ZNF487: variants seen among roughly 807,000 people sequenced by gnomAD.
The protein encoded by ZNF487 is zinc finger protein 487, also known as KRAB domain only 1.
A neutral mutation model predicts 3.0 loss-of-function variants in ZNF487; 4 were observed. The observed-to-expected ratio is 1.35, with a 90% confidence interval of 0.66 to 3.08. The LOEUF is 3.08. Ranked by LOEUF, ZNF487 falls within the 30% of genes most tolerant of loss-of-function variation. The probability of loss-of-function intolerance (pLI) is 0.01; values close to 1 mark genes in which losing one functional copy is unlikely to be tolerated. For synonymous variants in ZNF487, 55 were observed against 34.6 expected (o/e 1.59, Z -2.06); for missense variants, 146 against 98.7 (o/e 1.48, Z -2.03).
intron 1 of ZNF487, among the ~76,000 whole-genome samples, chr10:43,447,214 AGACGGAGAC>A (rs1839844060): frequency 6.6e-6 from 1 of 151,572 alleles, no homozygotes; most frequent in Admixed American, 6.6e-5. Flanking sequence ...GGAAAGCGGG[AGACGGAGAC>A]GACGGAGAGG....
intron 3 of ZNF487, among the ~76,000 whole-genome samples, chr10:43,479,094 T>G (rs1435766746): frequency 8.3e-6 from 1 of 120,398 alleles, no homozygotes; most frequent in African/African-American, 2.8e-5. Context: ...TGTATATATA[T>G]ATACACACAT....
chr10:43,455,799 C>A (rs1317098130), intron 1 of ZNF487, among the ~76,000 whole-genome samples: 1 of 152,246 alleles, frequency 6.6e-6, no homozygotes, highest in Non-Finnish European at 1.5e-5. Flanking sequence ...GCGCGCCAGG[C>A]TGGCAGCCGG....
At chr10:43,499,126 AT>A in the ZNF487 span, among the ~76,000 whole-genome samples, 1 of 152,190 alleles carries the variant, frequency 6.6e-6, no homozygotes, top group African/African-American at 2.4e-5. Flanking sequence ...GCATGGTAAA[AT>A]TTAATGAACA....
At chr10:43,490,676 A>ATT in the ZNF487 span, among the ~76,000 whole-genome samples, 4 of 112,120 alleles carry the variant, frequency 3.6e-5, no homozygotes, top group Non-Finnish European at 5.7e-5. Flanking sequence ...CGCCTGGCTA[A>ATT]TTTTTTTTTT....
At chr10:43,499,063 G>A in the ZNF487 span, among the ~76,000 whole-genome samples, 1 of 152,196 alleles carries the variant, frequency 6.6e-6, no homozygotes, top group African/African-American at 2.4e-5. Context: ...TCAGTTAGCA[G>A]TTAGACTTCT....
the ZNF487 span, among the ~76,000 whole-genome samples, chr10:43,490,952 G>A: frequency 3.4e-5 from 5 of 148,738 alleles, no homozygotes; most frequent in Non-Finnish European, 7.4e-5. Context: ...GGGATTACAG[G>A]CATGAGCCAC....
At chr10:43,469,438 C>G (rs1253915075) in intron 1 of ZNF487, among the ~76,000 whole-genome samples, 2 of 152,124 alleles carry the variant, frequency 1.3e-5, no homozygotes, top group Non-Finnish European at 2.9e-5. Flanking sequence ...GGTGATCCAC[C>G]AGCCTTGGCC....
intron 1 of ZNF487, chr10:43,453,322 G>A (rs1007912791): frequency 6.6e-6 from 1 of 152,182 alleles, no homozygotes. Flanking sequence ...AAGGGACAGA[G>A]GACAGATTCA....
intron 1 of ZNF487, among the ~76,000 whole-genome samples, chr10:43,450,160 C>G (rs531494106): frequency 1.3e-5 from 2 of 152,174 alleles, no homozygotes; most frequent in Non-Finnish European, 2.9e-5. Flanking sequence ...TCTCCTGCAT[C>G]AGCCTCCCGA....
the ZNF487 span, among the ~76,000 whole-genome samples, chr10:43,504,689 T>G: frequency 6.6e-6 from 1 of 151,350 alleles, no homozygotes; most frequent in African/African-American, 2.4e-5. Context: ...ACATCTTAAT[T>G]TATACCACTC....
At chr10:43,452,246 A>G (rs904244886) in intron 1 of ZNF487, 1 of 152,048 alleles carries the variant, frequency 6.6e-6, no homozygotes, top group Admixed American at 6.6e-5. Context: ...CCACACCTGG[A>G]TGGCTGATTC....
chr10:43,467,297 C>T (rs182083217), intron 1 of ZNF487, among the ~76,000 whole-genome samples: 30 of 152,024 alleles, frequency 2.0e-4, no homozygotes, highest in African/African-American at 5.8e-4. Flanking sequence ...CTCTGCCTCG[C>T]GGGTTCAAGT....
At chr10:43,438,506 C>T (rs1305602152) in intron 1 of ZNF487, among the ~76,000 whole-genome samples, 3 of 151,560 alleles carry the variant, frequency 2.0e-5, no homozygotes, top group East Asian at 3.9e-4. Flanking sequence ...AAGAAATATA[C>T]CCTTGTGTAT....
Position 43,448,769 on chromosome 10 carries a change from A to T in ZNF487, c.-94+11507A>T, listed in dbSNP as rs140367994. Among the ~76,000 whole-genome samples the T allele has an allele frequency of 2.5e-3, 382 of 152,188 alleles. 3 individuals carry two copies. The highest frequency in any genetic ancestry group is 8.7e-3 in the African/African-American group (360 of 41,532). On this transcript the variant is annotated intron_variant, in intron 1 of 3. Coordinates refer to ENST00000437590, the MANE Select transcript of ZNF487 (RefSeq NM_001355444.3). Reference sequence around the variant, plus strand: ...GAGATGGAGGTTGCAGTGAGCCAAGATCTTGCCACTGTACTCCAGCCTAGG... The same window carrying T: ...GAGATGGAGGTTGCAGTGAGCCAAGTTCTTGCCACTGTACTCCAGCCTAGG...
the ZNF487 span, among the ~76,000 whole-genome samples, chr10:43,494,973 C>A: frequency 6.6e-6 from 1 of 150,454 alleles, no homozygotes; most frequent in Non-Finnish European, 1.5e-5. Flanking sequence ...GAAGAAAATA[C>A]TAGCCTAGCT....
intron 1 of ZNF487, among the ~76,000 whole-genome samples, chr10:43,445,926 C>T (rs1193010605): frequency 6.6e-6 from 1 of 152,192 alleles, no homozygotes; most frequent in Admixed American, 6.5e-5. Flanking sequence ...CAAAGCACAT[C>T]TTGCACCGCC....
the ZNF487 span, among the ~76,000 whole-genome samples, chr10:43,504,676 T>G: frequency 1.3e-5 from 2 of 151,950 alleles, no homozygotes; most frequent in African/African-American, 4.8e-5. Flanking sequence ...GGGATTACAG[T>G]TAACATCTTA....
chr10:43,518,584 C>CCT, the ZNF487 span, among the ~76,000 whole-genome samples: 1 of 152,088 alleles, frequency 6.6e-6, no homozygotes, highest in African/African-American at 2.4e-5. Flanking sequence ...TTGATAAGCA[C>CCT]TCAATCTTGA....
chr10:43,518,694 A>G, the ZNF487 span, among the ~76,000 whole-genome samples: 23 of 152,176 alleles, frequency 1.5e-4, no homozygotes, highest in Admixed American at 6.5e-5. Flanking sequence ...TATCTATTAG[A>G]TGGATGGATG....
Sources: allele counts gnomAD v4.1 joint callset (sites outside exome capture counted in the v4.1 genomes callset), GRCh38; gene constraint gnomAD v4.1.1; transcripts MANE v1.5; gene names NCBI Gene and HGNC (gene_info 2026-07-23, HGNC 2026-07-21).